The following DNAJB6 variants were observed in gnomAD, a reference collection of about 807,000 sequenced individuals.
DNAJB6 encodes the protein DnaJ heat shock protein family (Hsp40) member B6.
A neutral mutation model predicts 42.7 loss-of-function variants in DNAJB6; 16 were observed. The observed-to-expected ratio is 0.37, with a 90% CI of 0.25 to 0.57. DNAJB6 has a LOEUF of 0.57. Among genes scored for constraint, DNAJB6 ranks in the 20% least tolerant of loss-of-function variants. The probability of loss-of-function intolerance (pLI) is 0.74; values close to 1 mark genes in which losing one functional copy is unlikely to be tolerated. For synonymous variants in DNAJB6, 170 were observed against 163.5 expected (o/e 1.04, Z -0.30); for missense variants, 347 against 416.8 (o/e 0.83, Z 1.46).
intron 8 of DNAJB6, among the ~76,000 whole-genome samples, chr7:157,396,056 T>C (rs1801570993): frequency 6.6e-6 from 1 of 151,778 alleles, no homozygotes; most frequent in African/African-American, 2.4e-5. Context: ...CAAGCGATTC[T>C]CATGCCTCAG....
intron 8 of DNAJB6, among the ~76,000 whole-genome samples, chr7:157,407,321 G>A (rs2116626345): frequency 6.6e-6 from 1 of 152,374 alleles, no homozygotes; most frequent in African/African-American, 2.4e-5. Context: ...TCTGGCGGCA[G>A]TGACAGAGCT....
At chr7:157,412,809 A>G (rs1796015145) in intron 9 of DNAJB6, 1 of 152,026 alleles carries the variant, frequency 6.6e-6, no homozygotes, top group Non-Finnish European at 1.5e-5. Context: ...GCGAGCTTCC[A>G]CTCACAGGGT....
At chr7:157,384,047 T>C (rs912772474) in intron 6 of DNAJB6, among the ~76,000 whole-genome samples, 1 of 152,222 alleles carries the variant, frequency 6.6e-6, no homozygotes, top group Non-Finnish European at 1.5e-5. Flanking sequence ...GCTTAGATGA[T>C]TGAATCATGT....
intron 9 of DNAJB6, chr7:157,411,946 A>C (rs986289561): frequency 6.6e-6 from 1 of 152,230 alleles, no homozygotes; most frequent in Admixed American, 6.5e-5. Context: ...AAATCCTTAG[A>C]GCAAAGAGGC....
chr7:157,369,864 T>C (rs563813432), intron 5 of DNAJB6, among the ~76,000 whole-genome samples: 9 of 147,802 alleles, frequency 6.1e-5, no homozygotes, highest in African/African-American at 2.4e-4. Flanking sequence ...GGCCCCTTCT[T>C]CACATTATTA....
intron 1 of DNAJB6, among the ~76,000 whole-genome samples, chr7:157,345,001 T>G (rs1237958015): frequency 6.6e-6 from 1 of 152,182 alleles, no homozygotes; most frequent in Non-Finnish European, 1.5e-5. Context: ...TTTTATTTAT[T>G]TTATTTTTTG....
Position 157,363,074 on chromosome 7 carries a change from CCATTCTCG to C in DNAJB6, c.66-86_66-79del, listed in dbSNP as rs1351038869. 5.9e-4 allele frequency: 508 copies of C among 854,186 alleles called. 5 individuals carry two copies. The East Asian group carries it at 0.014, about 23-fold the overall frequency. 52.9% of individuals were successfully genotyped at this position (854,186 alleles called of 1,614,324 possible). On this transcript the variant is annotated intron_variant, in intron 2 of 9. Transcript: ENST00000262177. Reference sequence around the variant, plus strand: ...ATCTCACCAGTTGGCAGCTCTGAAGCCATTCTCGTGGTTAATGATGTTAGTTTCAAAAG... The same window carrying C: ...ATCTCACCAGTTGGCAGCTCTGAAGCTGGTTAATGATGTTAGTTTCAAAAG...
chr7:157,373,194 A>T (rs79450858), intron 5 of DNAJB6, among the ~76,000 whole-genome samples: 1,682 of 152,276 alleles, frequency 0.011, 30 homozygotes, highest in East Asian at 0.06. Flanking sequence ...GGTACTGGGG[A>T]TTAGGACTCT....
At chr7:157,362,979 A>G (rs1296211635) in intron 2 of DNAJB6, among the ~76,000 whole-genome samples, 182 bp from the exon 3 acceptor site, 1 of 152,180 alleles carries the variant, frequency 6.6e-6, no homozygotes. Flanking sequence ...ACGCCTGGCT[A>G]TCTGGATTTT....
chr7:157,355,406 C>T (rs1370185376), intron 1 of DNAJB6, among the ~76,000 whole-genome samples: 4 of 152,186 alleles, frequency 2.6e-5, no homozygotes, highest in South Asian at 2.1e-4. Flanking sequence ...GTGATCTGCC[C>T]GCCTCGGCCT....
chr7:157,398,549 C>T (rs2117156230), intron 8 of DNAJB6, among the ~76,000 whole-genome samples: 1 of 152,350 alleles, frequency 6.6e-6, no homozygotes, highest in South Asian at 2.1e-4. Context: ...GATAAGATGG[C>T]CATGCCCGCG....
intron 8 of DNAJB6, among the ~76,000 whole-genome samples, chr7:157,404,338 T>A (rs377551721): frequency 5.7e-5 from 8 of 141,166 alleles, no homozygotes; most frequent in African/African-American, 2.1e-4. Context: ...TCAGTTAGGC[T>A]GGAGTGCAGT....
intron 8 of DNAJB6, among the ~76,000 whole-genome samples, chr7:157,391,813 G>A (rs1167719936): frequency 2.0e-5 from 3 of 152,054 alleles, no homozygotes; most frequent in Non-Finnish European, 4.4e-5. Flanking sequence ...ATTGAAAATC[G>A]GTAAGTTACC....
chr7:157,388,967 GTCAA>G (rs1801212924), intron 8 of DNAJB6, among the ~76,000 whole-genome samples: 2 of 152,202 alleles, frequency 1.3e-5, no homozygotes, highest in East Asian at 1.9e-4. Flanking sequence ...TCTGAAAGAT[GTCAA>G]TCAATAGTGG....
At chr7:157,392,335 T>C (rs1348102369) in intron 8 of DNAJB6, among the ~76,000 whole-genome samples, 1 of 151,926 alleles carries the variant, frequency 6.6e-6, no homozygotes, top group East Asian at 1.9e-4. Context: ...TTGATTAGTC[T>C]TTAGCCTGCT....
intron 8 of DNAJB6, among the ~76,000 whole-genome samples, chr7:157,388,926 C>T (rs1801211524): frequency 6.6e-6 from 1 of 152,182 alleles, no homozygotes; most frequent in African/African-American, 2.4e-5. Context: ...AGATTCCAGG[C>T]TTGATTTTGG....
At chr7:157,355,236 T>G (rs1239305280) in intron 1 of DNAJB6, among the ~76,000 whole-genome samples, 3 of 152,236 alleles carry the variant, frequency 2.0e-5, no homozygotes, top group Non-Finnish European at 4.4e-5. Flanking sequence ...CTCGGCTCAC[T>G]GCAGGCTCCG....
At chr7:157,352,491 AGATGGG>A (rs1353166619) in intron 1 of DNAJB6, among the ~76,000 whole-genome samples, 1 of 151,682 alleles carries the variant, frequency 6.6e-6, no homozygotes, top group Non-Finnish European at 1.5e-5. Flanking sequence ...GGTGGTATGA[AGATGGG>A]GGTGGGGGTG....
chr7:157,344,886 T>C (rs1274856187), intron 1 of DNAJB6, among the ~76,000 whole-genome samples: 1 of 152,234 alleles, frequency 6.6e-6, no homozygotes, highest in Non-Finnish European at 1.5e-5. Flanking sequence ...GTGTTAGGAT[T>C]ACAGGCATGA....
Sources: gnomAD v4.1 joint callset for allele counts (sites outside exome capture counted in the v4.1 genomes callset) on GRCh38, gnomAD v4.1.1 for gene constraint, MANE v1.5 for transcripts, NCBI Gene and HGNC (gene_info 2026-07-23, HGNC 2026-07-21) for gene names.